Variants in TMEM238L observed in about 807,000 individuals in gnomAD.
TMEM238L encodes the protein transmembrane protein 238 like.
At chr17:10,803,438 G>A (rs999185682) in intron 1 of TMEM238L, among the ~76,000 whole-genome samples, 168 bp downstream of exon 1, 1 of 152,144 alleles carries the variant, frequency 6.6e-6, no homozygotes, top group Non-Finnish European at 1.5e-5. Context: ...CCTGCCCCAC[G>A]TCCTCTTGGC....
At chr17:10,799,617 C>A (rs907100531) in intron 1 of TMEM238L, among the ~76,000 whole-genome samples, 1 of 152,192 alleles carries the variant, frequency 6.6e-6, no homozygotes, top group East Asian at 1.9e-4. Context: ...GCTGGCAAAG[C>A]CAGTTACAAT....
chr17:10,797,403 CCCTT>C (rs75503931), intron 1 of TMEM238L, among the ~76,000 whole-genome samples: 44,053 of 86,182 alleles, frequency 0.51, 13,135 homozygotes, highest in African/African-American at 0.68. Flanking sequence ...CTCCCTCCCT[CCCTT>C]CCTTCCTTCC....
chr17:10,797,911 A>C (rs1904611905), intron 1 of TMEM238L: 1 of 152,210 alleles, frequency 6.6e-6, no homozygotes, highest in East Asian at 1.9e-4. Flanking sequence ...AAGCTTGATC[A>C]TGTTGCTCTC....
chr17:10,800,746 C>G (rs1904712615), intron 1 of TMEM238L, among the ~76,000 whole-genome samples: 1 of 152,124 alleles, frequency 6.6e-6, no homozygotes, highest in African/African-American at 2.4e-5. Flanking sequence ...AGTAACTTGC[C>G]CCAAGTCACG....
intron 1 of TMEM238L, among the ~76,000 whole-genome samples, 173 bp from the exon 2 acceptor site, chr17:10,796,121 G>A (rs562200054): frequency 6.6e-6 from 1 of 152,198 alleles, no homozygotes; most frequent in Admixed American, 6.5e-5. Flanking sequence ...AACCACATGA[G>A]ACTCAGCTTC....
exon 2 of TMEM238L, chr17:10,795,487 C>A (rs1315038657): frequency 6.6e-6 from 1 of 152,246 alleles, no homozygotes; most frequent in Non-Finnish European, 1.5e-5. Flanking sequence ...CAGTGGAACC[C>A]TCCAGGAGCT....
chr17:10,798,931 C>G (rs1003829314), intron 1 of TMEM238L, among the ~76,000 whole-genome samples: 3 of 151,744 alleles, frequency 2.0e-5, no homozygotes, highest in African/African-American at 7.3e-5. Flanking sequence ...AAAAAAAAAT[C>G]TGAAAATACA....
At chr17:10,801,448 A>G (rs1281384171) in intron 1 of TMEM238L, among the ~76,000 whole-genome samples, 1 of 151,940 alleles carries the variant, frequency 6.6e-6, no homozygotes, top group Non-Finnish European at 1.5e-5. Context: ...CCTCACCGAC[A>G]TTTGCTCTCT....
At chr17:10,798,841 G>A (rs1904641361) in intron 1 of TMEM238L, among the ~76,000 whole-genome samples, 2 of 151,900 alleles carry the variant, frequency 1.3e-5, no homozygotes, top group African/African-American at 4.8e-5. Flanking sequence ...TATTAAAAAA[G>A]GACAAGAGTC....
At chr17:10,800,815 C>T (rs1340051475) in intron 1 of TMEM238L, among the ~76,000 whole-genome samples, 1 of 152,182 alleles carries the variant, frequency 6.6e-6, no homozygotes. Flanking sequence ...CCATGCTCTT[C>T]AACGCCGGGC....
Position 10,795,810 on chromosome 17 carries a change from C to T in TMEM238L, c.*257G>A, listed in dbSNP as rs1904522834. 3 of 152,380 alleles carry T rather than the reference C, an allele frequency of 2.0e-5. 1 individual carries two copies. In the South Asian group the frequency reaches 6.2e-4, roughly 32 times the overall value. The allele number at this position is 152,380 out of a possible 1,614,324, so 9.4% of individuals were successfully genotyped here. ...CTGGAACCTGCCAGAAGCCTGGCAT[C>T]ACAGCCATTCTCGGACATCCTCGTG... is the stretch of plus-strand genomic sequence containing the variant. On this transcript the variant is annotated 3_prime_UTR_variant, in exon 2 of 2. Coordinates refer to ENST00000581851, the Ensembl canonical transcript of TMEM238L.
intron 1 of TMEM238L, among the ~76,000 whole-genome samples, chr17:10,797,155 C>T (rs1904576185): frequency 6.6e-6 from 1 of 152,136 alleles, no homozygotes; most frequent in Non-Finnish European, 1.5e-5. Flanking sequence ...TCGATCACTG[C>T]CTAGTTCCAT....
intron 1 of TMEM238L, among the ~76,000 whole-genome samples, chr17:10,802,205 C>G (rs914927188): frequency 6.6e-6 from 1 of 152,114 alleles, no homozygotes; most frequent in Non-Finnish European, 1.5e-5. Context: ...GAGTTGACCC[C>G]CATCACTACC....
chr17:10,800,000 C>T (rs973524883), intron 1 of TMEM238L, among the ~76,000 whole-genome samples: 1 of 151,156 alleles, frequency 6.6e-6, no homozygotes, highest in African/African-American at 2.4e-5. Flanking sequence ...GGCGTGATCT[C>T]GGCTCACTGC....
intron 1 of TMEM238L, among the ~76,000 whole-genome samples, chr17:10,801,919 T>C (rs553076622): frequency 6.6e-6 from 1 of 152,246 alleles, no homozygotes; most frequent in South Asian, 2.1e-4. Flanking sequence ...ATAGCTGGGA[T>C]TACAGGTGTG....
chr17:10,796,330 G>A (rs1904542281), intron 1 of TMEM238L, among the ~76,000 whole-genome samples: 1 of 152,132 alleles, frequency 6.6e-6, no homozygotes, highest in African/African-American at 2.4e-5. Flanking sequence ...CTCCACCTTG[G>A]ATGTGATCAC....
At chr17:10,798,433 G>A (rs1269570494) in intron 1 of TMEM238L, among the ~76,000 whole-genome samples, 2 of 152,176 alleles carry the variant, frequency 1.3e-5, no homozygotes, top group Non-Finnish European at 2.9e-5. Flanking sequence ...AGGAGAGGAG[G>A]GCTTTTTACC....
Position 10,797,207 on chromosome 17 carries a change from G to A in TMEM238L, c.*119-1259C>T, listed in dbSNP as rs558145096. ...CTTAACCTCCATACACCTTATTATC[G>A]TTATCTGTAATAGAGAGGAATAATA... On this transcript the variant is annotated intron_variant, in intron 1 of 1. Transcript: ENST00000581851. 1.2e-4 allele frequency among the ~76,000 whole-genome samples: 18 copies of A among 147,056 alleles called. 1 individual carries two copies. Among genetic ancestry groups the A allele is most frequent in the Middle Eastern group, 3.4e-3 (1 of 294 alleles).
Position 10,803,902 on chromosome 17 carries a change from AG to A in TMEM238L, c.61del (p.Leu21SerfsTer21). ...GCCGACCGCGTCCAGCAGGAGGGCG[AG>A]GATGAGGAAGAGCGCACAGCGCCCT... On this transcript the variant is annotated frameshift_variant, in exon 1 of 2. Transcript: ENST00000581851. LOFTEE classifies it high-confidence loss of function. 1 of 399,600 alleles carries A rather than the reference AG, an allele frequency of 2.5e-6. No homozygotes were observed. The highest frequency in any genetic ancestry group is 4.4e-6 in the Non-Finnish European group (1 of 226,434). The allele number at this position is 399,600 out of a possible 1,614,324, so 24.8% of individuals were successfully genotyped here. A position where few individuals can be genotyped will look rare whatever the true frequency, so the allele number is the denominator to read the frequency against.
Sources: allele counts gnomAD v4.1 joint callset (sites outside exome capture counted in the v4.1 genomes callset), GRCh38; gene constraint gnomAD v4.1.1; transcripts MANE v1.5; gene names NCBI Gene and HGNC (gene_info 2026-07-23, HGNC 2026-07-21).